The following JMJD1C variants were observed in gnomAD, a reference collection of about 807,000 sequenced individuals.
JMJD1C encodes the protein jumonji domain containing 1C, also known as jumonji domain-containing protein 1C.
JMJD1C carries 31 observed loss-of-function variants against 245.3 expected under a neutral mutation model. The observed-to-expected ratio is 0.13, with a 90% CI of 0.09 to 0.17. JMJD1C has a LOEUF of 0.17. JMJD1C is among the 10% of genes least tolerant of loss of function. The probability of loss-of-function intolerance (pLI) is 1.00; values close to 1 mark genes in which losing one functional copy is unlikely to be tolerated. For missense variants in JMJD1C, 2,691 were observed against 3,000.2 expected, an observed-to-expected ratio of 0.90 and a Z score of 2.41; for synonymous variants, 1,057 against 1,017.4, an observed-to-expected ratio of 1.04 and a Z score of -0.74.
intron 2 of JMJD1C, among the ~76,000 whole-genome samples, chr10:63,360,945 C>T (rs981467787): frequency 2.0e-5 from 3 of 152,010 alleles, no homozygotes; most frequent in African/African-American, 4.8e-5. Context: ...CCACCGAGCC[C>T]GGCCTAAAAA....
Position 63,208,231 on chromosome 10 carries a change from A to G in JMJD1C, c.3438T>C (p.Pro1146=), listed in dbSNP as rs1408070554. Residue 1146 remains proline (P), a synonymous_variant, in exon 10 of 26, where the codon CCT becomes CCC. Coordinates refer to ENST00000399262, the MANE Select transcript of JMJD1C (RefSeq NM_032776.3). The stretch of plus-strand genomic sequence containing the variant: ...CTGGTTGGTGTTTAATCAAAGGTGG[A>G]GGCTTTGAAAGAGATGTTATAAATG... ...LTSFITSLSK[P]PPLIKHQPES... 10 of 1,613,754 alleles carry G rather than the reference A, an allele frequency of 6.2e-6. No individual in the cohort carries two copies. Among genetic ancestry groups the G allele is most frequent in the Non-Finnish European group, 8.5e-6 (10 of 1,179,848 alleles).
chr10:63,480,630 T>A (rs1953802630), intron 1 of JMJD1C, among the ~76,000 whole-genome samples: 1 of 144,330 alleles, frequency 6.9e-6, no homozygotes. Flanking sequence ...AGTACTATTG[T>A]AAAAAAAAAA....
intron 3 of JMJD1C, among the ~76,000 whole-genome samples, chr10:63,246,993 C>T (rs1359694023): frequency 2.0e-5 from 3 of 149,304 alleles, no homozygotes; most frequent in Admixed American, 6.7e-5. Context: ...AAGTAGACTT[C>T]AAATATACAA....
chr10:63,168,311 G>T, intron 25 of JMJD1C, 124 bp downstream of exon 25: 1 of 1,044,462 alleles, frequency 9.6e-7, no homozygotes, highest in Non-Finnish European at 1.4e-6. Context: ...ACATGTTGGT[G>T]TTAATCTTTG....
At chr10:63,462,397 G>C (rs1589794630) in intron 1 of JMJD1C, among the ~76,000 whole-genome samples, 1 of 152,034 alleles carries the variant, frequency 6.6e-6, no homozygotes, top group South Asian at 2.1e-4. Flanking sequence ...TGTTCATATT[G>C]TACAAGAAAT....
chr10:63,490,000 C>T (rs1954116397), intron 1 of JMJD1C, among the ~76,000 whole-genome samples: 1 of 152,218 alleles, frequency 6.6e-6, no homozygotes, highest in African/African-American at 2.4e-5. Flanking sequence ...ACACTGTGAA[C>T]TGAGCACACG....
chr10:63,231,960 C>T (rs1282764196), intron 3 of JMJD1C, among the ~76,000 whole-genome samples: 1 of 152,104 alleles, frequency 6.6e-6, no homozygotes, highest in African/African-American at 2.4e-5. Flanking sequence ...GCCTCAGCCT[C>T]CTGAGTAGCT....
chr10:63,176,601 G>A (rs10995455), intron 23 of JMJD1C, 128 bp from the exon 24 acceptor site: 190,317 of 673,252 alleles, frequency 0.28, 29,316 homozygotes, highest in East Asian at 0.33. Context: ...AACTGAATGA[G>A]CTTCTTCAGT....
upstream of JMJD1C, among the ~76,000 whole-genome samples, chr10:63,467,310 C>T (rs146605902): frequency 3.3e-3 from 501 of 152,122 alleles, 1 homozygote; most frequent in Non-Finnish European, 4.2e-3. Context: ...ACCAGCCTGG[C>T]CAACATGATG....
At chr10:63,245,763 G>A (rs543200348) in intron 3 of JMJD1C, among the ~76,000 whole-genome samples, 135 of 152,264 alleles carry the variant, frequency 8.9e-4, no homozygotes, top group Non-Finnish European at 1.6e-3. Context: ...GATTACAGGC[G>A]TGAGCCACCA....
intron 2 of JMJD1C, among the ~76,000 whole-genome samples, chr10:63,290,459 G>A (rs1327469230): frequency 6.6e-6 from 1 of 152,104 alleles, no homozygotes; most frequent in Non-Finnish European, 1.5e-5. Flanking sequence ...TACTCAGGAG[G>A]CTGAGGCACG....
chr10:63,351,640 C>T (rs769257871), intron 2 of JMJD1C, among the ~76,000 whole-genome samples: 4 of 151,996 alleles, frequency 2.6e-5, no homozygotes, highest in Non-Finnish European at 5.9e-5. Flanking sequence ...AAAAATAGAA[C>T]ATAAAATCAC....
intron 1 of JMJD1C, among the ~76,000 whole-genome samples, chr10:63,420,990 A>G (rs1950094625): frequency 6.6e-6 from 1 of 152,154 alleles, no homozygotes; most frequent in Non-Finnish European, 1.5e-5. Context: ...AATCCCAACA[A>G]GACAAAAAAA....
At chr10:63,462,033 T>C (rs2133093795) in intron 1 of JMJD1C, among the ~76,000 whole-genome samples, 2 of 152,200 alleles carry the variant, frequency 1.3e-5, no homozygotes, top group South Asian at 4.1e-4. Flanking sequence ...AGAACAGCAG[T>C]AATGTCAAAA....
chr10:63,291,307 T>TA (rs1858663168), intron 2 of JMJD1C, among the ~76,000 whole-genome samples: 1 of 45,692 alleles, frequency 2.2e-5, no homozygotes, highest in African/African-American at 1.7e-4. Flanking sequence ...AAAGTCTGTC[T>TA]CAGAAAAAAA....
chr10:63,224,605 G>A (rs1450801539), intron 3 of JMJD1C, among the ~76,000 whole-genome samples: 1 of 152,078 alleles, frequency 6.6e-6, no homozygotes, highest in Non-Finnish European at 1.5e-5. Flanking sequence ...TTACTGACTT[G>A]AATAATTTTG....
chr10:63,480,321 TGA>T (rs1441415263), intron 1 of JMJD1C, among the ~76,000 whole-genome samples: 2 of 95,290 alleles, frequency 2.1e-5, no homozygotes, highest in Non-Finnish European at 5.4e-5. Context: ...AACTATAGTT[TGA>T]TTTTTTTTTT....
intron 5 of JMJD1C, among the ~76,000 whole-genome samples, chr10:63,216,211 CACTT>C (rs959485623): frequency 1.3e-5 from 2 of 152,124 alleles, no homozygotes; most frequent in South Asian, 2.1e-4. Flanking sequence ...GAAACAGTAA[CACTT>C]ACTTAGCATT....
chr10:63,214,929 T>C lies in JMJD1C; in HGVS notation c.1238A>G (p.Glu413Gly), dbSNP rs1169898601. ...NKNTSKINGE[E>G]GKPHNNEKAG... ...CTTCTCATTATTATGGGGTTTTCCTTCTTCTCCATTTATTTTTGAAGTATT... is the reference window on the plus strand; with the variant it reads ...CTTCTCATTATTATGGGGTTTTCCTCCTTCTCCATTTATTTTTGAAGTATT... The change falls in exon 8 of 26, where the codon GAA becomes GGA. Residue 413 changes from glutamate to glycine, a missense_variant. By Grantham distance (98) the Glu-to-Gly change is moderately conservative. Coordinates refer to ENST00000399262, the MANE Select transcript of JMJD1C (RefSeq NM_032776.3). 3 of 1,606,768 alleles carry C rather than the reference T, an allele frequency of 1.9e-6. No homozygotes were observed. Among genetic ancestry groups the C allele is most frequent in the East Asian group, 4.5e-5 (2 of 44,844 alleles).
Sources: gnomAD v4.1 joint callset for allele counts (sites outside exome capture counted in the v4.1 genomes callset) on GRCh38, gnomAD v4.1.1 for gene constraint, MANE v1.5 for transcripts, NCBI Gene and HGNC (gene_info 2026-07-23, HGNC 2026-07-21) for gene names.